The following NCLN variants were observed in gnomAD, a reference collection of about 807,000 sequenced individuals.
NCLN encodes BOS complex subunit NCLN.
Under a neutral mutation model 69.5 loss-of-function variants are expected in NCLN, and 34 were observed. The observed-to-expected ratio is 0.49, with a 90% confidence interval of 0.37 to 0.65. NCLN has a LOEUF of 0.65. Among genes scored for constraint, NCLN ranks in the 30% least tolerant of loss-of-function variants. The probability of loss-of-function intolerance (pLI) is 0.00; values close to 1 mark genes in which losing one functional copy is unlikely to be tolerated. For missense variants in NCLN, 710 were observed against 804.8 expected (o/e 0.88, Z 1.42); for synonymous variants, 393 against 358.3 (o/e 1.10, Z -1.09).
Position 3,192,494 on chromosome 19 carries a change from C to T in NCLN, c.209C>T (p.Thr70Met), listed in dbSNP as rs1178163119. ...GGCACACGGAATGCAGTGCTGAACACGGAGGCGCGCACGATGGCGGCGGAG... is the reference window on the plus strand; with the variant it reads ...GGCACACGGAATGCAGTGCTGAACATGGAGGCGCGCACGATGGCGGCGGAG... ...PYGTRNAVLN[T>M]EARTMAAEVL... The change falls in exon 2 of 15, where the codon ACG (threonine) becomes ATG (methionine). Residue 70 changes from threonine to methionine, a missense_variant. Transcript: ENST00000246117. 16 of 1,606,030 alleles carry T rather than the reference C, an allele frequency of 1.0e-5. No homozygotes were observed. Among genetic ancestry groups the T allele is most frequent in the Middle Eastern group, 1.7e-4 (1 of 5,904 alleles).
At chr19:3,203,636 C>T in intron 6 of NCLN, 120 bp from the exon 7 acceptor site, 1 of 868,014 alleles carries the variant, frequency 1.2e-6, no homozygotes, top group Non-Finnish European at 1.8e-6. Context: ...AGGGGCTGGT[C>T]AGGATTTCCT....
intron 1 of NCLN, among the ~76,000 whole-genome samples, chr19:3,191,360 TGG>T: frequency 6.6e-6 from 1 of 152,164 alleles, no homozygotes. Context: ...AAGCCCGTGA[TGG>T]AGCGACAGCC....
chr19:3,187,215 C>T (rs934341229), intron 1 of NCLN, among the ~76,000 whole-genome samples: 1 of 152,228 alleles, frequency 6.6e-6, no homozygotes, highest in Non-Finnish European at 1.5e-5. Flanking sequence ...CGCCCCCTCC[C>T]GTCGTGGCCC....
chr19:3,194,383 CAA>C (rs919643401), intron 3 of NCLN, among the ~76,000 whole-genome samples: 1 of 145,710 alleles, frequency 6.9e-6, no homozygotes, highest in Middle Eastern at 3.6e-3. Context: ...ATGTCCATCT[CAA>C]AAAAAAAAAG....
In NCLN at chr19:3,204,122, C is replaced by A; in HGVS notation, c.1007C>A (p.Ala336Asp). 1 of 1,516,880 alleles carries A rather than the reference C, an allele frequency of 6.6e-7. No individual in the cohort carries two copies. Among genetic ancestry groups the A allele is most frequent in the South Asian group, 1.3e-5 (1 of 76,826 alleles). 94.0% of individuals were successfully genotyped at this position (1,516,880 alleles called of 1,614,324 possible). Residue 336 changes from alanine to aspartate, a missense_variant, in exon 8 of 15, where the codon GCC (alanine) becomes GAC (aspartate). Coordinates refer to ENST00000246117, the MANE Select transcript of NCLN (RefSeq NM_020170.4). ...CCTCGGGAGGGCACCCTGCAGCACG[C>A]CTTCCTGCGGGAGCTGGAGACGGTG... ...KPPREGTLQHAFLRELETVAA... is the reference protein window; with the variant it reads ...KPPREGTLQHDFLRELETVAA...
rs773395768 is a variant in NCLN at position 3,208,407 on chromosome 19, G to A, written c.*719G>A. The A allele has an allele frequency of 1.4e-5, 2 of 147,252 alleles. No homozygotes were observed. The highest frequency in any genetic ancestry group is 5.0e-5 in the African/African-American group (2 of 39,750). 9.1% of individuals were successfully genotyped at this position (147,252 alleles called of 1,614,324 possible). ...CAGGGCCCCTGCCTCCCCGACCCCC[G>A]ACCCACTGCAAATCCCCGTTCCCCT... is the stretch of plus-strand genomic sequence containing the variant. On this transcript the variant is annotated 3_prime_UTR_variant, in exon 15 of 15. Coordinates refer to ENST00000246117, the MANE Select transcript of NCLN (RefSeq NM_020170.4).
rs373354245 is a variant in NCLN at position 3,204,674 on chromosome 19, C to A, written c.1131C>A (p.Ile377=). 3.3e-4 allele frequency: 538 copies of A among 1,608,806 alleles called. No homozygotes were observed. Among genetic ancestry groups the A allele is most frequent in the Non-Finnish European group, 4.4e-4 (522 of 1,178,004 alleles). ...CCTGGGAGCACGAGCGCTTCGCCAT[C>A]CGCCGACTGCCCGCCTTCACGCTGT... ...VLAWEHERFA[I]RRLPAFTLSH... is the part of the protein sequence containing the mutation. The change falls in exon 9 of 15, where the codon ATC becomes ATA. Residue 377 remains isoleucine, a synonymous_variant. Coordinates refer to ENST00000246117, the MANE Select transcript of NCLN (RefSeq NM_020170.4).
At chr19:3,198,109 G>T (rs1202710085) in intron 4 of NCLN, among the ~76,000 whole-genome samples, 1 of 152,216 alleles carries the variant, frequency 6.6e-6, no homozygotes, top group Non-Finnish European at 1.5e-5. Context: ...GGCAGGGAGG[G>T]GTGCACACAG....
chr19:3,194,647 G>C (rs1223152068), intron 3 of NCLN, among the ~76,000 whole-genome samples: 1 of 152,074 alleles, frequency 6.6e-6, no homozygotes, highest in African/African-American at 2.4e-5. Context: ...TAGATTAAAA[G>C]TCTTGACAGT....
rs1357258355 is a variant in NCLN at position 3,207,750 on chromosome 19, G to C, written c.*62G>C. 4 of 1,460,098 alleles carry C rather than the reference G, an allele frequency of 2.7e-6. No homozygotes were observed. In the African/African-American group the frequency reaches 5.6e-5, roughly 20 times the overall value. The allele number at this position is 1,460,098 out of a possible 1,614,324, so 90.4% of individuals were successfully genotyped here. On this transcript the variant is annotated 3_prime_UTR_variant, in exon 15 of 15. Coordinates refer to ENST00000246117, the MANE Select transcript of NCLN (RefSeq NM_020170.4). ...ACAGTCCCTGGGGCCGAGCACGAGTGAGTGGACACTGCCCCGCCGCGGGCG... is the reference window on the plus strand; with the variant it reads ...ACAGTCCCTGGGGCCGAGCACGAGTCAGTGGACACTGCCCCGCCGCGGGCG...
At chr19:3,196,927 G>T (rs1273179529) in intron 4 of NCLN, among the ~76,000 whole-genome samples, 1 of 152,260 alleles carries the variant, frequency 6.6e-6, no homozygotes, top group Non-Finnish European at 1.5e-5. Context: ...TCACTGTCGG[G>T]GGAGCCCTGA....
Position 3,207,896 on chromosome 19 carries a change from A to G in NCLN, c.*208A>G. 1 of 573,600 alleles carries G rather than the reference A, an allele frequency of 1.7e-6. No homozygotes were observed. The highest frequency in any genetic ancestry group is 1.9e-5 in the African/African-American group (1 of 53,208). 35.5% of individuals were successfully genotyped at this position (573,600 alleles called of 1,614,324 possible). A position where few individuals can be genotyped will look rare whatever the true frequency, so the allele number is the denominator to read the frequency against. ...TTGTTTCTTCTTTTCCTTGTCTTTG[A>G]ACTTCCTTGGAGGAGAGCTTGGGAG... On this transcript the variant is annotated 3_prime_UTR_variant, in exon 15 of 15. Coordinates refer to ENST00000246117, the MANE Select transcript of NCLN (RefSeq NM_020170.4).
chr19:3,201,600 C>G lies in NCLN; in HGVS notation c.774C>G (p.Leu258=). 6.4e-7 allele frequency: 1 copy of G among 1,553,082 alleles called. No individual in the cohort carries two copies. The highest frequency in any genetic ancestry group is 8.7e-7 in the Non-Finnish European group (1 of 1,155,474). The part of the protein sequence containing the change: ...LLELARLFSR[L]YTYKRTHAAY... ...AGCTGGCACGCCTCTTCTCCCGGCT[C>G]TACACCTACAAGCGCACGCACGCCG... The change falls in exon 6 of 15, where the codon CTC becomes CTG. Residue 258 remains leucine (L), a synonymous_variant. Coordinates refer to ENST00000246117, the MANE Select transcript of NCLN (RefSeq NM_020170.4).
chr19:3,205,865 G>A lies in NCLN; in HGVS notation c.1209-74G>A, dbSNP rs763126866. Reference sequence around the variant, plus strand: ...TCACGGTCTCCTAGGCTGGAGTGCTGGGATTACAAGTGTGAGAGCTACCTT... The same window carrying A: ...TCACGGTCTCCTAGGCTGGAGTGCTAGGATTACAAGTGTGAGAGCTACCTT... On this transcript the variant is annotated intron_variant, in intron 9 of 14. Transcript: ENST00000246117. This position sits in a 1 kb window ranked among gnomAD's most constrained non-coding sequence, Gnocchi z 4.6. 7.4e-7 allele frequency: 1 copy of A among 1,353,510 alleles called. No homozygotes were observed. Among genetic ancestry groups the A allele is most frequent in the Non-Finnish European group, 1.1e-6 (1 of 948,048 alleles). 83.8% of individuals were successfully genotyped at this position (1,353,510 alleles called of 1,614,324 possible). A position where few individuals can be genotyped will look rare whatever the true frequency, so the allele number is the denominator to read the frequency against.
intron 3 of NCLN, 53 bp from the exon 4 acceptor site, chr19:3,196,130 C>G (rs1915947694): frequency 7.2e-7 from 1 of 1,391,210 alleles, no homozygotes; most frequent in African/African-American, 1.4e-5. Context: ...GGGATGCCCC[C>G]TGGCTGGGGC....
In NCLN at chr19:3,201,546, C is replaced by G; in HGVS notation, c.720C>G (p.Ser240=). ...VAPWLSLGAD[S]NGSGVSVLLE... is the part of the protein sequence containing the mutation. ...AGTGGCTGTCGCTGGGCGCGGACTC[C>G]AACGGGAGCGGCGTCTCTGTGCTGC... Residue 240 remains serine (S), a synonymous_variant, in exon 6 of 15, where the codon TCC becomes TCG. Transcript: ENST00000246117. 6.4e-7 allele frequency: 1 copy of G among 1,564,824 alleles called. No homozygotes were observed. Among genetic ancestry groups the G allele is most frequent in the Non-Finnish European group, 8.6e-7 (1 of 1,161,960 alleles).
intron 4 of NCLN, among the ~76,000 whole-genome samples, chr19:3,197,127 G>A (rs1049988574): frequency 1.2e-4 from 18 of 152,216 alleles, no homozygotes; most frequent in Non-Finnish European, 4.4e-5. Context: ...TTGTACTGTG[G>A]GCCCGGGAGG....
rs1321809446 is a variant in NCLN, at chr19:3,193,392, G to T, written c.484G>T (p.Ala162Ser). 2 of 1,610,186 alleles carry T rather than the reference G, an allele frequency of 1.2e-6. No homozygotes were observed. Among genetic ancestry groups the T allele is most frequent in the Non-Finnish European group, 1.7e-6 (2 of 1,179,756 alleles). Reference protein sequence around the residue: ...LLSIYKQTQAASASQGSASAA... With the variant: ...LLSIYKQTQASSASQGSASAA... Reference sequence around the variant, plus strand: ...GTCTATCTACAAGCAGACCCAGGCTGCCTCCGCCTCCCAGGGCTCCGCCTC... The same window carrying T: ...GTCTATCTACAAGCAGACCCAGGCTTCCTCCGCCTCCCAGGGCTCCGCCTC... The change falls in exon 3 of 15, where the codon GCC (alanine) becomes TCC (serine). Residue 162 changes from alanine to serine, a missense_variant. By Grantham distance (99) the Ala-to-Ser change is moderately conservative. Coordinates refer to ENST00000246117, the MANE Select transcript of NCLN (RefSeq NM_020170.4).
chr19:3,190,386 C>T (rs1183905413), intron 1 of NCLN, among the ~76,000 whole-genome samples: 5 of 152,170 alleles, frequency 3.3e-5, no homozygotes, highest in Non-Finnish European at 7.4e-5. Flanking sequence ...CCCGAGACCC[C>T]GCCCATTCCC....
Sources: gnomAD v4.1 joint callset for allele counts (sites outside exome capture counted in the v4.1 genomes callset) on GRCh38, gnomAD v4.1.1 for gene constraint, Gnocchi (gnomAD v3.1) non-coding constraint, MANE v1.5 for transcripts, NCBI Gene and HGNC (gene_info 2026-07-23, HGNC 2026-07-21) for gene names.